Variants in RMST observed in about 807,000 individuals in gnomAD.
RMST encodes the protein rhabdomyosarcoma 2 associated transcript.
chr12:97,488,699 G>A (rs1286930517), intron 5 of RMST, among the ~76,000 whole-genome samples: 2 of 152,160 alleles, frequency 1.3e-5, no homozygotes, highest in African/African-American at 2.4e-5. Flanking sequence ...GGGTTTTCAC[G>A]CTGTCTCTGG....
chr12:97,485,059 C>A (rs1422572619), intron 5 of RMST, among the ~76,000 whole-genome samples: 5 of 152,196 alleles, frequency 3.3e-5, no homozygotes. Context: ...GGTTAACATC[C>A]CCTTAGGAGA....
At chr12:97,473,790 AT>A (rs1434982906) in intron 5 of RMST, among the ~76,000 whole-genome samples, 3 of 152,270 alleles carry the variant, frequency 2.0e-5, no homozygotes, top group Non-Finnish European at 4.4e-5. Flanking sequence ...CTTTGTATGC[AT>A]GTTCATAATC....
chr12:97,486,539 A>G (rs1876135589), intron 5 of RMST, among the ~76,000 whole-genome samples: 1 of 152,238 alleles, frequency 6.6e-6, no homozygotes, highest in Admixed American at 6.5e-5. Context: ...TATTACTGAT[A>G]CTGAATGTAA....
intron 5 of RMST, among the ~76,000 whole-genome samples, chr12:97,466,227 C>A (rs1873166637): frequency 6.6e-6 from 1 of 152,112 alleles, no homozygotes; most frequent in Non-Finnish European, 1.5e-5. Context: ...AAGTTCCATG[C>A]TTCGGCGTAC....
intron 5 of RMST, among the ~76,000 whole-genome samples, chr12:97,471,054 T>C (rs77213094): frequency 0.058 from 8,862 of 152,146 alleles, 340 homozygotes; most frequent in South Asian, 0.11. Flanking sequence ...GATACGTGTC[T>C]GCATTTTTAT....
chr12:97,470,244 T>C (rs990011307), intron 5 of RMST, among the ~76,000 whole-genome samples: 1 of 152,100 alleles, frequency 6.6e-6, no homozygotes, highest in East Asian at 1.9e-4. Flanking sequence ...CTCCACATTT[T>C]TTACCGTGTC....
In RMST at chr12:97,503,923, C is replaced by CT. The variant is rs112546385; in HGVS notation, n.1340+7877dup. On this transcript the variant is annotated intron_variant and non_coding_transcript_variant, in intron 10 of 13. Transcript: ENST00000640149. Reference sequence around the variant, plus strand: ...TTAAGAAAGACCAATACAATTAAAACTTTTTTTTTTCTTCTTTTCTGAGAG... The same window carrying CT: ...TTAAGAAAGACCAATACAATTAAAACTTTTTTTTTTTCTTCTTTTCTGAGAG... 2.2e-4 allele frequency among the ~76,000 whole-genome samples: 33 copies of CT among 150,670 alleles called. No homozygotes were observed. The South Asian group carries it at 6.4e-3, about 29-fold the overall frequency.
exon 14 of RMST, chr12:97,564,575 G>A (rs976977828): frequency 6.6e-6 from 1 of 152,182 alleles, no homozygotes; most frequent in South Asian, 2.1e-4. Context: ...ACCTTGTAGG[G>A]CTGTTGTGAG....
chr12:97,491,712 T>G, intron 5 of RMST: 1 of 274,464 alleles, frequency 3.6e-6, no homozygotes, highest in Non-Finnish European at 7.8e-6. Context: ...CATCATCTGC[T>G]GTAAGTGTAA....
chr12:97,558,270 T>C (rs187524334), intron 11 of RMST, among the ~76,000 whole-genome samples: 4 of 152,280 alleles, frequency 2.6e-5, no homozygotes, highest in Admixed American at 2.6e-4. Flanking sequence ...TTTAATTATT[T>C]TGGAAGTTTG....
intron 10 of RMST, among the ~76,000 whole-genome samples, chr12:97,503,914 C>T (rs1025163198): frequency 2.6e-5 from 4 of 151,986 alleles, no homozygotes; most frequent in African/African-American, 9.7e-5. Context: ...AAGACCAATA[C>T]AATTAAAACT....
chr12:97,516,962 T>G (rs1282001150), intron 10 of RMST, among the ~76,000 whole-genome samples: 1 of 152,002 alleles, frequency 6.6e-6, no homozygotes, highest in African/African-American at 2.4e-5. Context: ...TATTATGAGT[T>G]GTATAGTCTT....
chr12:97,533,701 G>A (rs1224038325), intron 11 of RMST: 7 of 151,762 alleles, frequency 4.6e-5, no homozygotes. Context: ...ACCACATAGT[G>A]AATGTGTCTG....
intron 5 of RMST, among the ~76,000 whole-genome samples, chr12:97,478,955 C>G (rs1426059099): frequency 2.6e-5 from 4 of 152,142 alleles, no homozygotes; most frequent in Admixed American, 2.0e-4. Context: ...TGGGTTGGCA[C>G]TCGGGCACCA....
At chr12:97,517,794 A>C (rs1467707918) in intron 10 of RMST, among the ~76,000 whole-genome samples, 2 of 151,966 alleles carry the variant, frequency 1.3e-5, no homozygotes, top group Non-Finnish European at 2.9e-5. Flanking sequence ...ATTTATCATC[A>C]TGGGCTTCTG....
intron 10 of RMST, among the ~76,000 whole-genome samples, chr12:97,498,249 A>G (rs1321444638): frequency 6.6e-6 from 1 of 152,170 alleles, no homozygotes; most frequent in East Asian, 1.9e-4. Flanking sequence ...GATCTAGAAT[A>G]TTGATGTTAT....
intron 11 of RMST, among the ~76,000 whole-genome samples, chr12:97,544,817 T>C (rs1273883042): frequency 6.6e-6 from 1 of 152,084 alleles, no homozygotes; most frequent in Non-Finnish European, 1.5e-5. Context: ...TGGAGGTTTA[T>C]ATAATCCTGT....
chr12:97,489,459 A>G (rs2136445059), intron 5 of RMST, among the ~76,000 whole-genome samples: 1 of 126,934 alleles, frequency 7.9e-6, no homozygotes, highest in Middle Eastern at 4.5e-3. Context: ...GAAAAAAAGA[A>G]AAAAAAAAAA....
chr12:97,549,437 A>G (rs1436723233), intron 11 of RMST, among the ~76,000 whole-genome samples: 2 of 152,220 alleles, frequency 1.3e-5, no homozygotes, highest in African/African-American at 4.8e-5. Context: ...CTTTCTAAAC[A>G]TTCTTTTTAA....
Sources: gnomAD v4.1 joint callset for allele counts (sites outside exome capture counted in the v4.1 genomes callset) on GRCh38, gnomAD v4.1.1 for gene constraint, MANE v1.5 for transcripts, NCBI Gene and HGNC (gene_info 2026-07-23, HGNC 2026-07-21) for gene names.